Variants in VPS37A observed in about 807,000 individuals in gnomAD.
VPS37A encodes the protein VPS37A subunit of ESCRT-I, also known as vacuolar protein sorting-associated protein 37A.
A neutral mutation model predicts 49.8 loss-of-function variants in VPS37A; 30 were observed. The observed-to-expected ratio is 0.60, with a 90% CI of 0.45 to 0.82. The LOEUF (loss-of-function observed/expected upper bound fraction) is 0.82. Among genes scored for constraint, VPS37A ranks in the 40% least tolerant of loss-of-function variants. VPS37A has a pLI of 0.00. For synonymous variants in VPS37A, 195 were observed against 160.6 expected, an observed-to-expected ratio of 1.21 and a Z score of -1.62; for missense variants, 593 against 464.4, an observed-to-expected ratio of 1.28 and a Z score of -2.55.
downstream of VPS37A, chr8:17,305,770 T>C (rs770217035): frequency 1.2e-6 from 2 of 1,611,214 alleles, no homozygotes; most frequent in Admixed American, 3.3e-5. Context: ...AGTTCTCGTC[T>C]CTCCTTTTGG....
At chr8:17,263,597 T>C (rs1049289343) in intron 1 of VPS37A, among the ~76,000 whole-genome samples, 28 of 152,324 alleles carry the variant, frequency 1.8e-4, no homozygotes, top group Non-Finnish European at 3.7e-4. Flanking sequence ...ACCAATTATT[T>C]AGATAAAAAT....
rs1205074371 is a variant in VPS37A at position 17,247,333 on chromosome 8, A to G, written c.89A>G (p.Gln30Arg). The change falls in exon 1 of 12, where the codon CAG (glutamine) becomes CGG (arginine). Residue 30 changes from glutamine (Q) to arginine (R), a missense_variant. Transcript: ENST00000324849. ...GGLTSLQQQK[Q>R]RLIESLRNSH... is the part of the protein sequence containing the mutation. ...CTCACCAGCCTCCAGCAGCAGAAGCAGCGCCTGATCGAGTCCCTCCGGAAC... is the reference window on the plus strand; with the variant it reads ...CTCACCAGCCTCCAGCAGCAGAAGCGGCGCCTGATCGAGTCCCTCCGGAAC... The G allele has an allele frequency of 6.5e-7, 1 of 1,531,138 alleles. No homozygotes were observed. The highest frequency in any genetic ancestry group is 8.8e-7 in the Non-Finnish European group (1 of 1,136,102). 94.8% of individuals were successfully genotyped at this position (1,531,138 alleles called of 1,614,324 possible).
the VPS37A span, among the ~76,000 whole-genome samples, chr8:17,309,074 G>C: frequency 6.6e-6 from 1 of 151,524 alleles, no homozygotes; most frequent in African/African-American, 2.4e-5. Flanking sequence ...GTTAACATTA[G>C]TTAGTTCTGC....
downstream of VPS37A, among the ~76,000 whole-genome samples, chr8:17,306,514 C>G (rs1817465329): frequency 6.6e-6 from 1 of 152,144 alleles, no homozygotes; most frequent in African/African-American, 2.4e-5. Flanking sequence ...TTTTATCTCC[C>G]ATTGCTTTGC....
At chr8:17,333,271 C>A in the VPS37A span, among the ~76,000 whole-genome samples, 1 of 152,148 alleles carries the variant, frequency 6.6e-6, no homozygotes, top group African/African-American at 2.4e-5. Flanking sequence ...CATTTTAAGA[C>A]AACTTATGTT....
At chr8:17,273,569 T>C (rs1006465189) in intron 4 of VPS37A, among the ~76,000 whole-genome samples, 2 of 152,156 alleles carry the variant, frequency 1.3e-5, no homozygotes, top group Non-Finnish European at 2.9e-5. Flanking sequence ...GGTTTCACCG[T>C]GTTAGCCAGG....
intron 4 of VPS37A, among the ~76,000 whole-genome samples, chr8:17,272,237 C>T (rs1040154943): frequency 6.6e-6 from 1 of 152,184 alleles, no homozygotes; most frequent in African/African-American, 2.4e-5. Flanking sequence ...CAGCCTATAG[C>T]TCTGCTTGGT....
At chr8:17,307,060 G>C (rs968586467), downstream of VPS37A, among the ~76,000 whole-genome samples, 11 of 152,148 alleles carry the variant, frequency 7.2e-5, no homozygotes, top group Non-Finnish European at 1.2e-4. Context: ...AAACTAAAGA[G>C]CTTCTGCACA....
At chr8:17,302,702 A>ACCC (rs1460018324), downstream of VPS37A, among the ~76,000 whole-genome samples, 5 of 21,778 alleles carry the variant, frequency 2.3e-4, no homozygotes, top group Non-Finnish European at 7.4e-4. Flanking sequence ...CATTGGCAAT[A>ACCC]ACCCCCCCCC....
At chr8:17,289,490 G>C (rs1180340295) in intron 11 of VPS37A, among the ~76,000 whole-genome samples, 1 of 151,480 alleles carries the variant, frequency 6.6e-6, no homozygotes, top group African/African-American at 2.5e-5. Flanking sequence ...TGTCAGGTTT[G>C]TCAAAGATCA....
chr8:17,326,137 C>G, the VPS37A span, among the ~76,000 whole-genome samples: 2 of 152,210 alleles, frequency 1.3e-5, no homozygotes, highest in Admixed American at 6.5e-5. Context: ...AGGGCACCTT[C>G]CATTCCAACC....
intron 2 of VPS37A, among the ~76,000 whole-genome samples, chr8:17,266,400 G>A (rs1015611304): frequency 6.6e-6 from 1 of 152,152 alleles, no homozygotes; most frequent in Non-Finnish European, 1.5e-5. Flanking sequence ...GAAAGTTCAA[G>A]ATTAGATTTG....
rs1428620900 is a variant in VPS37A at position 17,297,145 on chromosome 8, T to G, written c.*2159T>G. On this transcript the variant is annotated 3_prime_UTR_variant, in exon 12 of 12. Coordinates refer to ENST00000324849, the MANE Select transcript of VPS37A (RefSeq NM_152415.3). ...ATGCATGTGAAAGTTTGTATTCTGA[T>G]TTTACAAGATGAGATAGAAATCAGA... is the stretch of plus-strand genomic sequence containing the variant. 1 of 152,198 alleles carries G rather than the reference T, an allele frequency of 6.6e-6. No individual in the cohort carries two copies. The highest frequency in any genetic ancestry group is 2.4e-5 in the African/African-American group (1 of 41,456). The allele number at this position is 152,198 out of a possible 1,614,324, so 9.4% of individuals were successfully genotyped here. A position where few individuals can be genotyped will look rare whatever the true frequency, so the allele number is the denominator to read the frequency against.
Position 17,274,873 on chromosome 8 carries a change from A to G in VPS37A, c.557A>G (p.His186Arg). ...ADTVSSSTTS[H>R]TTAKPAAPSF... ...ACTGTTTCTTCTTCAACAACAAGTC[A>G]TACCACAGCCAAGCCTGCCGCTCCT... The change falls in exon 5 of 12, where the codon CAT becomes CGT. Residue 186 changes from histidine (H) to arginine (R), a missense_variant. By Grantham distance (29) the His-to-Arg change is conservative (BLOSUM62 0). Transcript: ENST00000324849. 6.2e-7 allele frequency: 1 copy of G among 1,614,184 alleles called. No individual in the cohort carries two copies. The highest frequency in any genetic ancestry group is 8.5e-7 in the Non-Finnish European group (1 of 1,180,016).
In VPS37A at chr8:17,280,307, T is replaced by C; in HGVS notation, c.900+10T>C. ...AACTGTTTTAGATAAGGTGAGTTAG[T>C]GATAATTTTGAAGAAATTTACATAA... On this transcript the variant is annotated intron_variant, in intron 8 of 11. Transcript: ENST00000324849. 2 of 1,609,274 alleles carry C rather than the reference T, an allele frequency of 1.2e-6. No individual in the cohort carries two copies. The highest frequency in any genetic ancestry group is 8.5e-7 in the Non-Finnish European group (1 of 1,178,254).
rs543821298 is a variant in VPS37A, at chr8:17,287,041, A to C, written c.*614A>C. On this transcript the variant is annotated intron_variant, in intron 11 of 11. Coordinates refer to ENST00000324849, the MANE Select transcript of VPS37A (RefSeq NM_152415.3). ...TTCAGATCATCCATTTTAACTTTGC[A>C]TTTTCCCCTTACATTGCGTTGTCTT... Among the ~76,000 whole-genome samples, 13 of 152,152 alleles carry C rather than the reference A, an allele frequency of 8.5e-5. No homozygotes were observed. In the South Asian group the frequency reaches 2.5e-3, roughly 29 times the overall value.
At chr8:17,269,094 G>C (rs1251310654) in intron 4 of VPS37A, 138 bp downstream of exon 4, 1 of 614,976 alleles carries the variant, frequency 1.6e-6, no homozygotes, top group Non-Finnish European at 2.7e-6. Context: ...TACTTTCAGA[G>C]GCAACTGTTT....
At chr8:17,321,581 C>T in the VPS37A span, among the ~76,000 whole-genome samples, 2 of 152,268 alleles carry the variant, frequency 1.3e-5, no homozygotes, top group Middle Eastern at 3.4e-3. Flanking sequence ...GAGACCAAAG[C>T]GATTAGCGCC....
chr8:17,313,438 G>A, the VPS37A span: 2 of 1,326,386 alleles, frequency 1.5e-6, no homozygotes, highest in Admixed American at 1.8e-5. Context: ...CAAAATTAAG[G>A]TACTCTCTCA....
Sources: allele counts gnomAD v4.1 joint callset (sites outside exome capture counted in the v4.1 genomes callset), GRCh38; gene constraint gnomAD v4.1.1; transcripts MANE v1.5; gene names NCBI Gene and HGNC (gene_info 2026-07-23, HGNC 2026-07-21).